Variants in PLS1 observed in about 807,000 individuals in gnomAD.
The protein encoded by PLS1 is plastin-1.
PLS1 carries 32 observed loss-of-function variants against 73.7 expected under a neutral mutation model. That is an observed-to-expected ratio of 0.43 (90% confidence interval 0.33 to 0.58). The LOEUF (loss-of-function observed/expected upper bound fraction) is 0.58, where lower values mean the gene tolerates loss of function less well. PLS1 is among the 20% of genes least tolerant of loss of function. The pLI is 0.04. For synonymous variants in PLS1, 217 were observed against 261.3 expected (o/e 0.83, Z 1.63); for missense variants, 633 against 740.5 (o/e 0.85, Z 1.68).
At chr3:142,654,248 G>A (rs1293490070) in intron 1 of PLS1, among the ~76,000 whole-genome samples, 1 of 152,156 alleles carries the variant, frequency 6.6e-6, no homozygotes, top group Non-Finnish European at 1.5e-5. Flanking sequence ...TATATATCTA[G>A]TGTTTGCACA....
At chr3:142,689,846 T>C in intron 10 of PLS1, 33 bp downstream of exon 10, 2 of 1,347,702 alleles carry the variant, frequency 1.5e-6, no homozygotes, top group South Asian at 2.7e-5. Flanking sequence ...TGACTTGCTA[T>C]ATTTATCTTC....
At chr3:142,612,935 T>C (rs1303816867) in intron 1 of PLS1, among the ~76,000 whole-genome samples, 1 of 152,042 alleles carries the variant, frequency 6.6e-6, no homozygotes, top group Non-Finnish European at 1.5e-5. Context: ...TAACTAATTT[T>C]TGTATTTTCA....
intron 12 of PLS1, among the ~76,000 whole-genome samples, chr3:142,701,866 G>A (rs1294546327): frequency 2.6e-5 from 4 of 152,120 alleles, no homozygotes; most frequent in Admixed American, 2.6e-4. Flanking sequence ...AAATATGCTG[G>A]CTTTTTACTC....
rs185170159 is a variant in PLS1, at chr3:142,630,987, A to C, written c.-36-33215A>C. On this transcript the variant is annotated intron_variant, in intron 1 of 15. Coordinates refer to ENST00000457734, the MANE Select transcript of PLS1 (RefSeq NM_001145319.2). ...CACACACACACATAGAGGGAGAGTC[A>C]AATGATTTTTGACAAGGGTCCCAAG... Among the ~76,000 whole-genome samples the C allele has an allele frequency of 1.6e-3, 244 of 149,944 alleles. 2 individuals carry two copies. Among genetic ancestry groups the C allele is most frequent in the African/African-American group, 5.8e-3 (237 of 41,048 alleles).
At chr3:142,709,198 C>A (rs929264576) in intron 14 of PLS1, among the ~76,000 whole-genome samples, 2 of 152,152 alleles carry the variant, frequency 1.3e-5, no homozygotes, top group African/African-American at 4.8e-5. Flanking sequence ...AATGTAGATT[C>A]CCAGCCTCAT....
At chr3:142,605,141 AGC>A (rs2035996512) in intron 1 of PLS1, among the ~76,000 whole-genome samples, 1 of 152,122 alleles carries the variant, frequency 6.6e-6, no homozygotes, top group Non-Finnish European at 1.5e-5. Context: ...CCTTCTCTTC[AGC>A]TGTAGGTTTG....
intron 1 of PLS1, among the ~76,000 whole-genome samples, chr3:142,632,745 C>T (rs779663910): frequency 1.3e-5 from 2 of 152,056 alleles, no homozygotes; most frequent in Non-Finnish European, 2.9e-5. Context: ...ATTACAGGTA[C>T]ATGCCACCAT....
intron 1 of PLS1, among the ~76,000 whole-genome samples, chr3:142,599,777 C>G (rs915274363): frequency 2.0e-5 from 3 of 150,196 alleles, no homozygotes; most frequent in Admixed American, 6.6e-5. Context: ...TTTTTTGAGA[C>G]AGGGTCCCAC....
intron 1 of PLS1, among the ~76,000 whole-genome samples, chr3:142,598,055 A>G (rs967964516): frequency 6.6e-6 from 1 of 152,118 alleles, no homozygotes; most frequent in Admixed American, 6.5e-5. Flanking sequence ...CTCATGCTGC[A>G]AGGTGTAGCT....
chr3:142,643,677 G>A (rs1378267227), intron 1 of PLS1, among the ~76,000 whole-genome samples: 4 of 152,168 alleles, frequency 2.6e-5, no homozygotes, highest in Admixed American at 2.6e-4. Context: ...TTCTAATACT[G>A]AGTATGCGTA....
In PLS1 at chr3:142,608,693, G is replaced by A. The variant is rs554750509; in HGVS notation, c.-37+12184G>A. On this transcript the variant is annotated intron_variant, in intron 1 of 15. Coordinates refer to ENST00000457734, the MANE Select transcript of PLS1 (RefSeq NM_001145319.2). Reference sequence around the variant, plus strand: ...CACAGGCTTGAGTCCTTATCTTACTGGATATTTTTACTGCCAGCCAAAGGA... The same window carrying A: ...CACAGGCTTGAGTCCTTATCTTACTAGATATTTTTACTGCCAGCCAAAGGA... Among the ~76,000 whole-genome samples, 25 of 152,260 alleles carry A rather than the reference G, an allele frequency of 1.6e-4. No individual in the cohort carries two copies. In the South Asian group the frequency reaches 2.5e-3, roughly 15 times the overall value.
intron 1 of PLS1, among the ~76,000 whole-genome samples, chr3:142,649,335 C>CAAAAAAAAA (rs3055060): frequency 3.2e-5 from 3 of 93,518 alleles, no homozygotes; most frequent in African/African-American, 8.9e-5. Context: ...GACCCTATGT[C>CAAAAAAAAA]AAAAAAAAAA....
rs2037960720 is a variant in PLS1 at position 142,686,189 on chromosome 3, T to C, written c.889-95T>C. 3 of 744,222 alleles carry C rather than the reference T, an allele frequency of 4.0e-6. No individual in the cohort carries two copies. In the Admixed American group the frequency reaches 6.3e-5, roughly 16 times the overall value. 46.1% of individuals were successfully genotyped at this position (744,222 alleles called of 1,614,324 possible). ...TTTAAAGTTATTCCATTCTTTGAGA[T>C]AGAGGCAATTTCTTCAGTTTGAGCA... On this transcript the variant is annotated intron_variant, in intron 8 of 15. Coordinates refer to ENST00000457734, the MANE Select transcript of PLS1 (RefSeq NM_001145319.2).
chr3:142,636,055 A>ATT (rs34619105), intron 1 of PLS1, among the ~76,000 whole-genome samples: 1,882 of 147,972 alleles, frequency 0.013, 23 homozygotes, highest in African/African-American at 0.045. Context: ...ACACCTGCTA[A>ATT]TTTTTTTTTT....
At chr3:142,643,208 C>T (rs2036878954) in intron 1 of PLS1, among the ~76,000 whole-genome samples, 1 of 152,008 alleles carries the variant, frequency 6.6e-6, no homozygotes, top group Admixed American at 6.6e-5. Flanking sequence ...GACTGGAGCC[C>T]AGAAAGGAAG....
intron 14 of PLS1, among the ~76,000 whole-genome samples, chr3:142,707,118 G>A (rs67189673): frequency 0.23 from 35,428 of 152,014 alleles, 5,116 homozygotes; most frequent in African/African-American, 0.41. Context: ...GAAACATCGC[G>A]AAAGTGCTTG....
chr3:142,689,020 A>AGT (rs1203332858), intron 9 of PLS1, among the ~76,000 whole-genome samples: 1 of 152,198 alleles, frequency 6.6e-6, no homozygotes, highest in Non-Finnish European at 1.5e-5. Flanking sequence ...TCTATAGTGC[A>AGT]ACCAGTAGGA....
At chr3:142,649,087 A>G (rs6766847) in intron 1 of PLS1, among the ~76,000 whole-genome samples, 137 of 152,256 alleles carry the variant, frequency 9.0e-4, no homozygotes, top group African/African-American at 3.1e-3. Context: ...CATTGCAGCT[A>G]GATTGCCCTG....
rs560714158 is a variant in PLS1 at position 142,627,986 on chromosome 3, A to G, written c.-37+31477A>G. 145 of 152,260 alleles carry G rather than the reference A, an allele frequency of 9.5e-4. 2 individuals are homozygous for G. Among genetic ancestry groups the G allele is most frequent in the African/African-American group, 3.4e-3 (140 of 41,552 alleles). The allele number at this position is 152,260 out of a possible 1,614,324, so 9.4% of individuals were successfully genotyped here. ...GGATTTGGAGTTGTTAGAATTGAGA[A>G]ACTAAAAAGAACCATGTACAGAAAG... On this transcript the variant is annotated intron_variant, in intron 1 of 15. Coordinates refer to ENST00000457734, the MANE Select transcript of PLS1 (RefSeq NM_001145319.2).
Sources: allele counts gnomAD v4.1 joint callset (sites outside exome capture counted in the v4.1 genomes callset), GRCh38; gene constraint gnomAD v4.1.1; transcripts MANE v1.5; gene names NCBI Gene and HGNC (gene_info 2026-07-23, HGNC 2026-07-21).